The following KPNA1 variants were observed in gnomAD, a reference collection of about 807,000 sequenced individuals.
The protein encoded by KPNA1 is importin subunit alpha-5.
In KPNA1, 10 loss-of-function variants were observed where a neutral mutation model predicts 70.5. That is an observed-to-expected ratio of 0.14 (90% CI 0.09 to 0.24). The LOEUF (loss-of-function observed/expected upper bound fraction) is 0.24, where lower values mean the gene tolerates loss of function less well. Among genes scored for constraint, KPNA1 ranks in the 10% least tolerant of loss-of-function variants. The pLI is 1.00. For missense variants in KPNA1, 397 were observed against 637.9 expected, an observed-to-expected ratio of 0.62 and a Z score of 4.07; for synonymous variants, 192 against 221.9, an observed-to-expected ratio of 0.87 and a Z score of 1.20.
intron 6 of KPNA1, among the ~76,000 whole-genome samples, chr3:122,452,751 G>A (rs148605323): frequency 6.6e-6 from 1 of 151,372 alleles, no homozygotes; most frequent in East Asian, 1.9e-4. Flanking sequence ...AGGAGAGACA[G>A]AGGGAAGGAG....
In KPNA1 at chr3:122,472,639, C is replaced by A. The variant is rs964225610; in HGVS notation, c.130-5210G>T. On this transcript the variant is annotated intron_variant, in intron 2 of 13. Transcript: ENST00000344337. ...AACTGAGAAAAATCAATGAAAAAAC[C>A]AAAAGCTGGTTCTTTGAAAAGACCA... Among the ~76,000 whole-genome samples, 15 of 152,118 alleles carry A rather than the reference C, an allele frequency of 9.9e-5. No individual in the cohort carries two copies. In the East Asian group the frequency reaches 2.9e-3, roughly 29 times the overall value.
chr3:122,442,237 G>T lies in KPNA1; in HGVS notation c.918-121C>A, dbSNP rs551539357. 8.5e-6 allele frequency: 6 copies of T among 708,586 alleles called. No individual in the cohort carries two copies. The African/African-American group carries it at 8.9e-5, about 10-fold the overall frequency. 43.9% of individuals were successfully genotyped at this position (708,586 alleles called of 1,614,324 possible). The stretch of plus-strand genomic sequence containing the variant: ...AATTTTAGAGCAGAAATGTACCCAT[G>T]GGGCTAATTAAGGGAACGCTTATCA... On this transcript the variant is annotated intron_variant, in intron 9 of 13. Coordinates refer to ENST00000344337, the MANE Select transcript of KPNA1 (RefSeq NM_002264.4).
chr3:122,477,884 C>A (rs2076520814), intron 2 of KPNA1, among the ~76,000 whole-genome samples: 1 of 150,446 alleles, frequency 6.6e-6, no homozygotes, highest in Non-Finnish European at 1.5e-5. Flanking sequence ...AATGTCCAGG[C>A]TGCGTGCAAT....
At chr3:122,482,523 G>A (rs1298520183) in intron 2 of KPNA1, among the ~76,000 whole-genome samples, 2 of 152,028 alleles carry the variant, frequency 1.3e-5, no homozygotes, top group Non-Finnish European at 2.9e-5. Context: ...ACAAGTTAAA[G>A]AAATAAAAGT....
chr3:122,444,441 T>C (rs2076108151), intron 9 of KPNA1, among the ~76,000 whole-genome samples: 2 of 152,210 alleles, frequency 1.3e-5, no homozygotes, highest in South Asian at 2.1e-4. Context: ...TAAATGTCCA[T>C]GAAATCTTCA....
intron 3 of KPNA1, among the ~76,000 whole-genome samples, chr3:122,467,074 C>A (rs1029724551): frequency 1.3e-5 from 2 of 150,670 alleles, no homozygotes; most frequent in East Asian, 3.9e-4. Context: ...TCTTATTCAA[C>A]TTTTAAAGAG....
rs190956031 is a variant in KPNA1, at chr3:122,486,427, G to T, written c.129+10010C>A. Among the ~76,000 whole-genome samples the T allele has an allele frequency of 1.9e-4, 29 of 152,286 alleles. No individual in the cohort carries two copies. In the East Asian group the frequency reaches 2.9e-3, roughly 15 times the overall value. ...AACTAATCAGTAGTAACAGAAAATA[G>T]ATCAGAGGAAAGAGGTAGAGAAAAA... On this transcript the variant is annotated intron_variant, in intron 2 of 13. Coordinates refer to ENST00000344337, the MANE Select transcript of KPNA1 (RefSeq NM_002264.4).
rs909023170 is a variant in KPNA1, at chr3:122,424,393, T to A, written c.*2592A>T. The A allele has an allele frequency of 2.0e-5, 3 of 152,192 alleles. No homozygotes were observed. Among genetic ancestry groups the A allele is most frequent in the Non-Finnish European group, 2.9e-5 (2 of 68,026 alleles). The allele number at this position is 152,192 out of a possible 1,614,324, so 9.4% of individuals were successfully genotyped here. ...CATTTCTGTTACCAAAAAGCCTGCTTCAGTACCAAGTTCCAACATATCTGA... is the reference window on the plus strand; with the variant it reads ...CATTTCTGTTACCAAAAAGCCTGCTACAGTACCAAGTTCCAACATATCTGA... On this transcript the variant is annotated 3_prime_UTR_variant, in exon 14 of 14. Transcript: ENST00000344337.
intron 2 of KPNA1, among the ~76,000 whole-genome samples, chr3:122,478,405 T>G (rs1264893429): frequency 1.3e-5 from 2 of 152,014 alleles, no homozygotes; most frequent in Admixed American, 6.6e-5. Context: ...GTGGATCACC[T>G]GAGGTCAGGA....
chr3:122,457,029 C>A (rs1329314779), intron 5 of KPNA1, among the ~76,000 whole-genome samples: 1 of 152,160 alleles, frequency 6.6e-6, no homozygotes, highest in Non-Finnish European at 1.5e-5. Context: ...CAGGTATCCA[C>A]ATATGTATGA....
At chr3:122,462,343 G>C (rs1037975004) in intron 4 of KPNA1, among the ~76,000 whole-genome samples, 1 of 152,062 alleles carries the variant, frequency 6.6e-6, no homozygotes, top group African/African-American at 2.4e-5. Flanking sequence ...AAAAGCACTA[G>C]GGAGTTTAGT....
At chr3:122,470,378 A>G (rs967760700) in intron 2 of KPNA1, among the ~76,000 whole-genome samples, 3 of 151,932 alleles carry the variant, frequency 2.0e-5, no homozygotes, top group East Asian at 1.9e-4. Flanking sequence ...CGGGCGTGGC[A>G]GCGGGCGCCT....
At chr3:122,498,444 C>T (rs868193669) in intron 1 of KPNA1, among the ~76,000 whole-genome samples, 1 of 152,188 alleles carries the variant, frequency 6.6e-6, no homozygotes, top group Non-Finnish European at 1.5e-5. Context: ...TTCCCAGCAT[C>T]CAGAACTGTG....
At chr3:122,464,163 G>A (rs149287502) in intron 3 of KPNA1, 122 bp from the exon 4 acceptor site, 5 of 465,750 alleles carry the variant, frequency 1.1e-5, no homozygotes, top group African/African-American at 9.9e-5. Context: ...GTTACATAAA[G>A]GTAGGACAAT....
intron 2 of KPNA1, among the ~76,000 whole-genome samples, chr3:122,493,650 G>A (rs926619992): frequency 2.6e-5 from 4 of 152,208 alleles, no homozygotes; most frequent in African/African-American, 9.6e-5. Context: ...TACAGGATAT[G>A]AGGAAGGAAG....
chr3:122,468,981 A>G (rs1156609337), intron 2 of KPNA1, among the ~76,000 whole-genome samples: 1 of 152,222 alleles, frequency 6.6e-6, no homozygotes, highest in African/African-American at 2.4e-5. Flanking sequence ...TATAATAAAC[A>G]TGGAATGGAA....
chr3:122,474,768 A>C (rs2076479420), intron 2 of KPNA1, among the ~76,000 whole-genome samples: 1 of 152,210 alleles, frequency 6.6e-6, no homozygotes, highest in South Asian at 2.1e-4. Flanking sequence ...ACCTATGATC[A>C]TCTCAATAGA....
At chr3:122,453,306 A>T (rs2076231780) in intron 6 of KPNA1, among the ~76,000 whole-genome samples, 1 of 152,204 alleles carries the variant, frequency 6.6e-6, no homozygotes. Flanking sequence ...TACATGGTCT[A>T]AAAAAGTACA....
At chr3:122,493,212 A>G (rs939826932) in intron 2 of KPNA1, among the ~76,000 whole-genome samples, 1 of 152,230 alleles carries the variant, frequency 6.6e-6, no homozygotes, top group Non-Finnish European at 1.5e-5. Flanking sequence ...CCCAAGGTCA[A>G]TAAAATTTTC....
Sources: allele counts gnomAD v4.1 joint callset (sites outside exome capture counted in the v4.1 genomes callset), GRCh38; gene constraint gnomAD v4.1.1; transcripts MANE v1.5; gene names NCBI Gene and HGNC (gene_info 2026-07-23, HGNC 2026-07-21).